The following CDH6 variants were observed in gnomAD, a reference collection of about 807,000 sequenced individuals.
The protein encoded by CDH6 is cadherin 6.
In CDH6, 31 loss-of-function variants were observed where a neutral mutation model predicts 78.0. That is an observed-to-expected ratio of 0.40 (90% CI 0.30 to 0.54). The LOEUF is 0.54. Ranked by LOEUF, CDH6 falls within the 20% of genes least tolerant of loss-of-function variation. The pLI, the probability that CDH6 is intolerant of heterozygous loss-of-function variation, is 0.56. For missense variants in CDH6, 724 were observed against 975.9 expected, an observed-to-expected ratio of 0.74 and a Z score of 3.44; for synonymous variants, 376 against 368.8, an observed-to-expected ratio of 1.02 and a Z score of -0.23.
Position 31,302,218 on chromosome 5 carries a change from A to G in CDH6, c.919A>G (p.Ile307Val), listed in dbSNP as rs765126912. 1 of 1,614,018 alleles carries G rather than the reference A, an allele frequency of 6.2e-7. No individual in the cohort carries two copies. Among genetic ancestry groups the G allele is most frequent in the African/African-American group, 1.3e-5 (1 of 74,938 alleles). The change falls in exon 6 of 12, where the codon ATC becomes GTC. Residue 307 changes from isoleucine (I) to valine (V), a missense_variant. Ile to Val is a conservative substitution (Grantham distance 29, BLOSUM62 3). Transcript: ENST00000265071. ...AGAAAATGCTGAAATTGAGTACAGC[A>G]TCACAGACGGTGAGGGGCTGGATAT... ...VGENAEIEYS[I>V]TDGEGLDMFD...
intron 1 of CDH6, among the ~76,000 whole-genome samples, chr5:31,233,227 C>A (rs1487286367): frequency 7.3e-5 from 11 of 149,676 alleles, no homozygotes; most frequent in Admixed American, 4.7e-4. Context: ...ATATTTTACA[C>A]AAAAAAATAA....
At chr5:31,279,412 G>GA (rs1013661764) in intron 2 of CDH6, among the ~76,000 whole-genome samples, 10 of 151,614 alleles carry the variant, frequency 6.6e-5, no homozygotes, top group Non-Finnish European at 5.9e-5. Flanking sequence ...TACCAAAAAA[G>GA]AAAAAAATTA....
chr5:31,217,396 C>A (rs2111823123), intron 1 of CDH6, among the ~76,000 whole-genome samples: 1 of 152,242 alleles, frequency 6.6e-6, no homozygotes, highest in African/African-American at 2.4e-5. Flanking sequence ...ATATTCTATT[C>A]CGTTTAACTG....
chr5:31,258,968 A>C lies in CDH6; in HGVS notation c.-128-8378A>C, dbSNP rs958182856. Among the ~76,000 whole-genome samples the C allele has an allele frequency of 6.6e-5, 10 of 152,308 alleles. No homozygotes were observed. In the East Asian group the frequency reaches 1.9e-3, roughly 29 times the overall value. ...TCTGGCTTTATTACATACTCACTGC[A>C]TGACCGTGGACAAGCTATTTGACCT... On this transcript the variant is annotated intron_variant, in intron 1 of 11. Transcript: ENST00000265071.
intron 1 of CDH6, among the ~76,000 whole-genome samples, chr5:31,246,605 C>A (rs1188819048): frequency 6.6e-6 from 1 of 152,130 alleles, no homozygotes; most frequent in Non-Finnish European, 1.5e-5. Context: ...TGAAGGTGAC[C>A]CTAGAGCATC....
intron 1 of CDH6, among the ~76,000 whole-genome samples, chr5:31,212,076 A>T (rs1740724202): frequency 6.6e-6 from 1 of 152,222 alleles, no homozygotes; most frequent in Non-Finnish European, 1.5e-5. Context: ...AAGTATAAGA[A>T]CTACCTTGTC....
chr5:31,250,973 G>A (rs1476945705), intron 1 of CDH6: 1 of 152,360 alleles, frequency 6.6e-6, no homozygotes, highest in East Asian at 1.9e-4. Context: ...CAGTGAGGAA[G>A]AATTTGATGC....
chr5:31,317,386 C>A lies in CDH6; in HGVS notation c.1524C>A (p.Thr508=), dbSNP rs774112075. 8 of 1,565,728 alleles carry A rather than the reference C, an allele frequency of 5.1e-6. No individual in the cohort carries two copies. The highest frequency in any genetic ancestry group is 1.4e-5 in the African/African-American group (1 of 73,940). Residue 508 remains threonine (T), a synonymous_variant, in exon 10 of 12, where the codon ACC becomes ACA. Coordinates refer to ENST00000265071, the MANE Select transcript of CDH6 (RefSeq NM_004932.4). ...EKAKADQLIQ[T]LHAVDKDDPY... Reference sequence around the variant, plus strand: ...GGTTTTTCTCTTAGTTGATTCAGACCCTGCATGCTGTTGACAAGGATGACC... The same window carrying A: ...GGTTTTTCTCTTAGTTGATTCAGACACTGCATGCTGTTGACAAGGATGACC...
At chr5:31,306,250 C>A (rs577172267) in intron 7 of CDH6, among the ~76,000 whole-genome samples, 14 of 152,256 alleles carry the variant, frequency 9.2e-5, no homozygotes, top group African/African-American at 3.4e-4. Context: ...TCATGATATA[C>A]GTCTGTGAAA....
chr5:31,233,323 A>G (rs1477859269), intron 1 of CDH6, among the ~76,000 whole-genome samples: 1 of 145,764 alleles, frequency 6.9e-6, no homozygotes, highest in Non-Finnish European at 1.5e-5. Flanking sequence ...CCTGGGCAAC[A>G]TGGCAATGCC....
intron 11 of CDH6, 163 bp downstream of exon 11, chr5:31,318,087 T>G: frequency 1.2e-6 from 1 of 832,298 alleles, no homozygotes; most frequent in Non-Finnish European, 2.0e-6. Flanking sequence ...AACTCATTTT[T>G]GCTTGCAAAT....
chr5:31,297,117 G>T (rs1158802621), intron 3 of CDH6, among the ~76,000 whole-genome samples, 172 bp from the exon 4 acceptor site: 1 of 152,066 alleles, frequency 6.6e-6, no homozygotes, highest in Non-Finnish European at 1.5e-5. Context: ...TCTAAATGTT[G>T]ATTGTATTTC....
rs144191613 is a variant in CDH6 at position 31,279,440 on chromosome 5, G to A, written c.228+11739G>A. On this transcript the variant is annotated intron_variant, in intron 2 of 11. Coordinates refer to ENST00000265071, the MANE Select transcript of CDH6 (RefSeq NM_004932.4). The stretch of plus-strand genomic sequence containing the variant: ...AAAAATTACAAAAAATTAGCCAGGC[G>A]TGGTGGCATGCACCTGTAGTCTCAG... Among the ~76,000 whole-genome samples the A allele has an allele frequency of 3.4e-3, 523 of 152,114 alleles. 4 individuals carry two copies. The highest frequency in any genetic ancestry group is 0.011 in the African/African-American group (477 of 41,520).
intron 2 of CDH6, among the ~76,000 whole-genome samples, chr5:31,269,497 T>C (rs149052837): frequency 6.6e-6 from 1 of 152,284 alleles, no homozygotes; most frequent in Non-Finnish European, 1.5e-5. Context: ...TTTCTTCATC[T>C]AGAAAGTGCA....
Position 31,267,634 on chromosome 5 carries a change from G to A in CDH6, c.161G>A (p.Ser54Asn). ...AATGAGCTGAACCGTTCAAAAAGGA[G>A]CTGGATGTGGAATCAGTTCTTTCTC... is the stretch of plus-strand genomic sequence containing the variant. ...SKNELNRSKR[S>N]WMWNQFFLLE... is the part of the protein sequence containing the mutation. Residue 54 changes from serine to asparagine, a missense_variant, in exon 2 of 12, where the codon AGC becomes AAC. Physicochemically the swap from Ser to Asn is conservative, Grantham distance 46 (BLOSUM62 1). Coordinates refer to ENST00000265071, the MANE Select transcript of CDH6 (RefSeq NM_004932.4). 2 of 1,614,160 alleles carry A rather than the reference G, an allele frequency of 1.2e-6. No homozygotes were observed. Among genetic ancestry groups the A allele is most frequent in the South Asian group, 1.1e-5 (1 of 91,072 alleles).
At chr5:31,280,177 A>G (rs1027437709) in intron 2 of CDH6, among the ~76,000 whole-genome samples, 5 of 152,224 alleles carry the variant, frequency 3.3e-5, no homozygotes, top group Non-Finnish European at 7.3e-5. Context: ...AAGAGAATTC[A>G]ACACAAGAGA....
chr5:31,311,050 A>G (rs781688639), intron 7 of CDH6, among the ~76,000 whole-genome samples: 1 of 152,222 alleles, frequency 6.6e-6, no homozygotes, highest in East Asian at 1.9e-4. Context: ...ATTCCTCCCC[A>G]GAAAATGGAT....
chr5:31,196,423 T>G (rs923749217), intron 1 of CDH6, among the ~76,000 whole-genome samples: 1 of 152,204 alleles, frequency 6.6e-6, no homozygotes, highest in African/African-American at 2.4e-5. Context: ...ACTACAATCT[T>G]CCTAAGGAAT....
chr5:31,278,005 T>C (rs1288681086), intron 2 of CDH6, among the ~76,000 whole-genome samples: 1 of 152,198 alleles, frequency 6.6e-6, no homozygotes, highest in Non-Finnish European at 1.5e-5. Context: ...TGTGTGTATG[T>C]GTATTTGTGT....
Sources: gnomAD v4.1 joint callset for allele counts (sites outside exome capture counted in the v4.1 genomes callset) on GRCh38, gnomAD v4.1.1 for gene constraint, MANE v1.5 for transcripts, NCBI Gene and HGNC (gene_info 2026-07-23, HGNC 2026-07-21) for gene names.